SUCLA2: variants seen among roughly 807,000 people sequenced by gnomAD.
SUCLA2 encodes succinate--CoA ligase [ADP-forming] subunit beta, mitochondrial.
SUCLA2 carries 30 observed loss-of-function variants against 54.8 expected under a neutral mutation model. The observed-to-expected ratio is 0.55, with a 90% CI of 0.41 to 0.74. The LOEUF (loss-of-function observed/expected upper bound fraction) is 0.74, where lower values mean the gene tolerates loss of function less well. Ranked by LOEUF, SUCLA2 falls within the 30% of genes least tolerant of loss-of-function variation. The pLI is 0.00. For missense variants in SUCLA2, 476 were observed against 562.9 expected (o/e 0.85, Z 1.56); for synonymous variants, 172 against 188.9 (o/e 0.91, Z 0.74).
chr13:47,995,751 A>C (rs1014252064), intron 2 of SUCLA2, among the ~76,000 whole-genome samples: 1 of 152,198 alleles, frequency 6.6e-6, no homozygotes, highest in Non-Finnish European at 1.5e-5. Flanking sequence ...ATACTGCTAA[A>C]AAGAAACTGC....
At chr13:47,974,268 C>CTT (rs1949991183) in intron 4 of SUCLA2, among the ~76,000 whole-genome samples, 3 of 152,174 alleles carry the variant, frequency 2.0e-5, no homozygotes, top group Non-Finnish European at 2.9e-5. Context: ...AAAGTCTAAG[C>CTT]TCTAGCCCTA....
chr13:47,996,364 C>G (rs1428873138), intron 2 of SUCLA2, among the ~76,000 whole-genome samples: 1 of 150,836 alleles, frequency 6.6e-6, no homozygotes, highest in African/African-American at 2.4e-5. Context: ...ACTCTGCTCT[C>G]AAGGAGTTTA....
Position 47,949,618 on chromosome 13 carries a change from TTC to T in SUCLA2, c.1108-17_1108-16del, listed in dbSNP as rs1266867975. The T allele has an allele frequency of 6.2e-7, 1 of 1,612,508 alleles. No individual in the cohort carries two copies. ...ATAGCCAGTACCTATGAATAAAGTG[TTC>T]TGATAGATTAAAATTTAAAAGAAAT... On this transcript the variant is annotated splice_polypyrimidine_tract_variant and intron_variant, in intron 8 of 10. Coordinates refer to ENST00000646932, the MANE Select transcript of SUCLA2 (RefSeq NM_003850.3).
At chr13:47,999,664 G>A (rs983690547) in intron 1 of SUCLA2, among the ~76,000 whole-genome samples, 1 of 151,172 alleles carries the variant, frequency 6.6e-6, no homozygotes, top group Non-Finnish European at 1.5e-5. Flanking sequence ...CCAAGATCGC[G>A]CCACTGCACT....
At chr13:47,972,473 A>T (rs1315863280) in intron 5 of SUCLA2, among the ~76,000 whole-genome samples, 1 of 151,862 alleles carries the variant, frequency 6.6e-6, no homozygotes, top group Non-Finnish European at 1.5e-5. Flanking sequence ...GTTCGAGACC[A>T]ACCTGATCAA....
intron 2 of SUCLA2, among the ~76,000 whole-genome samples, chr13:47,991,914 G>A (rs1442891884): frequency 6.6e-6 from 1 of 152,106 alleles, no homozygotes; most frequent in African/African-American, 2.4e-5. Context: ...AAACAACTCA[G>A]AAATTTCCTT....
At chr13:47,967,556 C>G (rs543180078) in intron 6 of SUCLA2, among the ~76,000 whole-genome samples, 1 of 152,130 alleles carries the variant, frequency 6.6e-6, no homozygotes, top group Non-Finnish European at 1.5e-5. Flanking sequence ...AGTAATGGAA[C>G]TCGGCTGGGC....
chr13:47,960,758 A>G (rs1490365802), intron 6 of SUCLA2, among the ~76,000 whole-genome samples: 1 of 152,200 alleles, frequency 6.6e-6, no homozygotes, highest in East Asian at 1.9e-4. Flanking sequence ...AAGTTTATCA[A>G]TGATGGGCTT....
At chr13:47,988,807 A>G in intron 3 of SUCLA2, 75 bp downstream of exon 3, 1 of 1,592,376 alleles carries the variant, frequency 6.3e-7, no homozygotes. Flanking sequence ...AAATTTCAGT[A>G]TTTTCATCAA....
Position 47,949,478 on chromosome 13 carries a change from C to G in SUCLA2, c.1228+5G>C, listed in dbSNP as rs1034646210. ...GAACAACTGCAAGATACCTTTTATA[C>G]TCACCTTGTAACCGTACCACAACAG... On this transcript the variant is annotated splice_donor_5th_base_variant and intron_variant, in intron 9 of 10. Coordinates refer to ENST00000646932, the MANE Select transcript of SUCLA2 (RefSeq NM_003850.3). 4 of 1,613,278 alleles carry G rather than the reference C, an allele frequency of 2.5e-6. No homozygotes were observed.
chr13:48,001,172 G>A lies in SUCLA2; in HGVS notation c.90+8C>T. The A allele has an allele frequency of 1.2e-6, 2 of 1,607,674 alleles. No individual in the cohort carries two copies. Among genetic ancestry groups the A allele is most frequent in the East Asian group, 4.5e-5 (2 of 44,646 alleles). On this transcript the variant is annotated splice_region_variant and intron_variant, in intron 1 of 10. Transcript: ENST00000646932. ...CCCTCGAGACGACAGCGGACTGGAA[G>A]GCATTACCTGAGCAGCAGCCCGCTG... is the stretch of plus-strand genomic sequence containing the variant.
At chr13:47,968,390 TTTTG>T (rs905106852) in intron 6 of SUCLA2, among the ~76,000 whole-genome samples, 1 of 152,206 alleles carries the variant, frequency 6.6e-6, no homozygotes, top group African/African-American at 2.4e-5. Context: ...TTGTTTTATT[TTTTG>T]TTTGTTTGTT....
chr13:47,950,944 C>A (rs988116883), intron 8 of SUCLA2, among the ~76,000 whole-genome samples: 1 of 152,098 alleles, frequency 6.6e-6, no homozygotes, highest in African/African-American at 2.4e-5. Context: ...ACTATTATTC[C>A]CAGACCTTTA....
At chr13:47,977,036 C>T (rs1393116760) in intron 4 of SUCLA2, among the ~76,000 whole-genome samples, 6 of 150,176 alleles carry the variant, frequency 4.0e-5, no homozygotes, top group South Asian at 2.1e-4. Context: ...CATATTGGCT[C>T]ATTGAAAAAG....
intron 4 of SUCLA2, among the ~76,000 whole-genome samples, chr13:47,984,899 T>C (rs1342392952): frequency 6.6e-6 from 1 of 152,138 alleles, no homozygotes; most frequent in African/African-American, 2.4e-5. Flanking sequence ...CACAGGAAAA[T>C]GTCCCACTCA....
chr13:47,943,766 G>GTGTATATATATATATATATATATATA (rs1300486540), intron 10 of SUCLA2, among the ~76,000 whole-genome samples: 7 of 139,656 alleles, frequency 5.0e-5, no homozygotes, highest in South Asian at 4.8e-4. Context: ...GTGTGTGTGT[G>GTGTATATATATATATATATATATATA]TATATATATA....
In SUCLA2 at chr13:48,001,251, A is replaced by C; in HGVS notation, c.19T>G (p.Tyr7Asp). 1 of 1,604,872 alleles carries C rather than the reference A, an allele frequency of 6.2e-7. No individual in the cohort carries two copies. Residue 7 changes from tyrosine to aspartate, a missense_variant, in exon 1 of 11, where the codon TAC becomes GAC. By Grantham distance (160) the Tyr-to-Asp change is radical. This residue lies in a region of SUCLA2 where 134 missense variants were observed against 118.7 expected (regional missense o/e 1.13). Coordinates refer to ENST00000646932, the MANE Select transcript of SUCLA2 (RefSeq NM_003850.3). MAASMF[Y>D]GRLVAVATLR... Reference sequence around the variant, plus strand: ...GTGGCCACGGCCACTAGCCTGCCGTAGAACATGGAGGCCGCCATTTCTGAG... The same window carrying C: ...GTGGCCACGGCCACTAGCCTGCCGTCGAACATGGAGGCCGCCATTTCTGAG...
At chr13:47,962,649 C>T (rs1256195939) in intron 6 of SUCLA2, among the ~76,000 whole-genome samples, 1 of 152,094 alleles carries the variant, frequency 6.6e-6, no homozygotes, top group Non-Finnish European at 1.5e-5. Context: ...AACTTTGATT[C>T]CTGGGTGGCT....
Position 47,972,192 on chromosome 13 carries a change from T to C in SUCLA2, c.663+1072A>G, listed in dbSNP as rs536447469. The C allele has an allele frequency of 1.7e-4, 46 of 267,390 alleles. No homozygotes were observed. The South Asian group carries it at 6.8e-3, about 40-fold the overall frequency. The allele number at this position is 267,390 out of a possible 1,614,324, so 16.6% of individuals were successfully genotyped here. A position where few individuals can be genotyped will look rare whatever the true frequency, so the allele number is the denominator to read the frequency against. On this transcript the variant is annotated intron_variant, in intron 5 of 10. Coordinates refer to ENST00000646932, the MANE Select transcript of SUCLA2 (RefSeq NM_003850.3). ...ATAGCTTGAACTCAGAAGGCAGAGG[T>C]TGGAGTGAGCCAAGGTGGCAACACT...
Sources: gnomAD v4.1 joint callset for allele counts (sites outside exome capture counted in the v4.1 genomes callset) on GRCh38, gnomAD v4.1.1 for gene constraint, gnomAD v4.1.1 regional missense constraint, MANE v1.5 for transcripts, NCBI Gene and HGNC (gene_info 2026-07-23, HGNC 2026-07-21) for gene names.